The following BIRC3 variants were observed in gnomAD, a reference collection of about 807,000 sequenced individuals.
The protein encoded by BIRC3 is baculoviral IAP repeat containing 3.
BIRC3 carries 26 observed loss-of-function variants against 59.0 expected under a neutral mutation model. The observed-to-expected ratio is 0.44, with a 90% CI of 0.32 to 0.61. The LOEUF (loss-of-function observed/expected upper bound fraction) is 0.61, where lower values mean the gene tolerates loss of function less well. Ranked by LOEUF, BIRC3 falls within the 20% of genes least tolerant of loss-of-function variation. The probability of loss-of-function intolerance (pLI) is 0.04; values close to 1 mark genes in which losing one functional copy is unlikely to be tolerated. For synonymous variants in BIRC3, 243 were observed against 249.2 expected, an observed-to-expected ratio of 0.98 and a Z score of 0.24; for missense variants, 641 against 711.5, an observed-to-expected ratio of 0.90 and a Z score of 1.13.
Position 102,323,346 on chromosome 11 carries a change from G to A in BIRC3, c.-1164G>A, listed in dbSNP as rs921669202. On this transcript the variant is annotated 5_prime_UTR_variant, in exon 2 of 9. Transcript: ENST00000263464. ...AGCAATGAAGTTCAGTTTTGTTATTGGTAGTTTGGGCAGAGTCTCTTTTTG... is the reference window on the plus strand; with the variant it reads ...AGCAATGAAGTTCAGTTTTGTTATTAGTAGTTTGGGCAGAGTCTCTTTTTG... The A allele has an allele frequency of 1.6e-5, 3 of 193,106 alleles. No homozygotes were observed. The highest frequency in any genetic ancestry group is 8.2e-5 in the East Asian group (1 of 12,262). 12.0% of individuals were successfully genotyped at this position (193,106 alleles called of 1,614,324 possible). A position where few individuals can be genotyped will look rare whatever the true frequency, so the allele number is the denominator to read the frequency against.
intron 6 of BIRC3, among the ~76,000 whole-genome samples, chr11:102,333,968 G>A (rs1328409645): frequency 6.6e-6 from 1 of 152,068 alleles, no homozygotes; most frequent in South Asian, 2.1e-4. Flanking sequence ...TATTTGTGAT[G>A]GTGTATGCCT....
intron 6 of BIRC3, among the ~76,000 whole-genome samples, chr11:102,332,607 T>A (rs891939435): frequency 3.3e-5 from 5 of 152,236 alleles, no homozygotes; most frequent in African/African-American, 1.2e-4. Flanking sequence ...TGCAAGGCCA[T>A]CTGGGATCTA....
chr11:102,331,265 C>G (rs1289473153), intron 6 of BIRC3, 24 bp downstream of exon 6: 1 of 1,578,788 alleles, frequency 6.3e-7, no homozygotes, highest in Non-Finnish European at 8.6e-7. Context: ...TTAATACAGT[C>G]TATTTTCATA....
intron 6 of BIRC3, among the ~76,000 whole-genome samples, chr11:102,332,166 C>T (rs34727295): frequency 7.9e-5 from 12 of 152,148 alleles, no homozygotes; most frequent in African/African-American, 2.9e-4. Flanking sequence ...CTCTATTGCC[C>T]TTCACAAAAA....
rs201836037 is a variant in BIRC3, at chr11:102,328,882, T to A, written c.1033-15T>A. The A allele has an allele frequency of 4.4e-3, 4,534 of 1,026,664 alleles. 29 individuals carry two copies. Among genetic ancestry groups the A allele is most frequent in the East Asian group, 0.042 (1,046 of 24,654 alleles). 63.6% of individuals were successfully genotyped at this position (1,026,664 alleles called of 1,614,324 possible). A position where few individuals can be genotyped will look rare whatever the true frequency, so the allele number is the denominator to read the frequency against. ...TTTATATATATATATATATATATAT[T>A]TTTTTTTTCTGCAGCTGCTATCCAC... On this transcript the variant is annotated splice_polypyrimidine_tract_variant and intron_variant, in intron 4 of 8. Transcript: ENST00000263464.
Position 102,324,558 on chromosome 11 carries a change from G to A in BIRC3, c.49G>A (p.Ala17Thr), listed in dbSNP as rs186307109. 159 of 1,613,848 alleles carry A rather than the reference G, an allele frequency of 9.9e-5. 2 individuals carry two copies. In the East Asian group the frequency reaches 1.5e-3, roughly 15 times the overall value. The stretch of plus-strand genomic sequence containing the variant: ...ATTCTTATCAAATTTGATGAAAAGC[G>A]CCAACACGTTTGAACTGAAATACGA... The part of the protein sequence containing the change: ...SIFLSNLMKS[A>T]NTFELKYDLS... Residue 17 changes from alanine to threonine, a missense_variant, in exon 2 of 9, where the codon GCC becomes ACC. Physicochemically the swap from Ala to Thr is moderately conservative, Grantham distance 58. Coordinates refer to ENST00000263464, the MANE Select transcript of BIRC3 (RefSeq NM_001165.5).
chr11:102,330,374 A>T (rs966195598), intron 5 of BIRC3, among the ~76,000 whole-genome samples: 1 of 152,224 alleles, frequency 6.6e-6, no homozygotes, highest in African/African-American at 2.4e-5. Context: ...TAGAGCCATC[A>T]GTTTGTGACT....
chr11:102,325,057 T>A lies in BIRC3; in HGVS notation c.548T>A (p.Phe183Tyr). The A allele has an allele frequency of 6.2e-7, 1 of 1,614,216 alleles. No homozygotes were observed. The highest frequency in any genetic ancestry group is 8.5e-7 in the Non-Finnish European group (1 of 1,180,024). Reference sequence around the variant, plus strand: ...ACTTTTCAGACATGGCCATTGACTTTTCTGTCGCCAACAGATCTGGCAAAA... The same window carrying A: ...ACTTTTCAGACATGGCCATTGACTTATCTGTCGCCAACAGATCTGGCAAAA... ...LLTFQTWPLTFLSPTDLAKAG... is the reference protein window; with the variant it reads ...LLTFQTWPLTYLSPTDLAKAG... The change falls in exon 2 of 9, where the codon TTT becomes TAT. Residue 183 changes from phenylalanine (F) to tyrosine (Y), a missense_variant. Coordinates refer to ENST00000263464, the MANE Select transcript of BIRC3 (RefSeq NM_001165.5).
chr11:102,327,804 T>C (rs1951099861), intron 3 of BIRC3, among the ~76,000 whole-genome samples: 1 of 152,152 alleles, frequency 6.6e-6, no homozygotes, highest in Non-Finnish European at 1.5e-5. Flanking sequence ...AGGATAACTA[T>C]GGGTTAGTTT....
Position 102,335,899 on chromosome 11 carries a change from A to G in BIRC3, c.1325-67A>G, listed in dbSNP as rs927612410. 2.7e-6 allele frequency: 4 copies of G among 1,472,928 alleles called. No individual in the cohort carries two copies. In the Admixed American group the frequency reaches 8.0e-5, roughly 29 times the overall value. 91.2% of individuals were successfully genotyped at this position (1,472,928 alleles called of 1,614,324 possible). A position where few individuals can be genotyped will look rare whatever the true frequency, so the allele number is the denominator to read the frequency against. On this transcript the variant is annotated intron_variant, in intron 6 of 8. Transcript: ENST00000263464. ...AGATAGTTTTTATCCTGCTATATAT[A>G]TAGGACTGGAAGGAAGTTTGTGAGC...
chr11:102,337,466 T>C lies in BIRC3; in HGVS notation c.*364T>C, dbSNP rs1181329638. The C allele has an allele frequency of 2.5e-6, 1 of 397,944 alleles. No individual in the cohort carries two copies. The highest frequency in any genetic ancestry group is 4.4e-5 in the Admixed American group (1 of 22,632). 24.7% of individuals were successfully genotyped at this position (397,944 alleles called of 1,614,324 possible). On this transcript the variant is annotated 3_prime_UTR_variant, in exon 9 of 9. Coordinates refer to ENST00000263464, the MANE Select transcript of BIRC3 (RefSeq NM_001165.5). ...AATACCGGGAACATGAAGCCAGGTG[T>C]GGTGGTATGTGCCTGTAGTCCCAGG...
rs533760671 is a variant in BIRC3 at position 102,322,979 on chromosome 11, T to C, written c.-1531T>C. 9.9e-6 allele frequency: 2 copies of C among 201,274 alleles called. No homozygotes were observed. The highest frequency in any genetic ancestry group is 7.7e-5 in the East Asian group (1 of 12,982). The allele number at this position is 201,274 out of a possible 1,614,324, so 12.5% of individuals were successfully genotyped here. On this transcript the variant is annotated 5_prime_UTR_variant, in exon 2 of 9. The change abolishes an upstream ATG in the 5' untranslated region. Coordinates refer to ENST00000263464, the MANE Select transcript of BIRC3 (RefSeq NM_001165.5). ...ATTCTGGTTCAAGGTATGCTATCCA[T>C]GAAATAATTTCTGACCAAAACTAAA...
chr11:102,321,514 C>G (rs1453956270), intron 1 of BIRC3, among the ~76,000 whole-genome samples: 4 of 152,116 alleles, frequency 2.6e-5, no homozygotes, highest in Non-Finnish European at 4.4e-5. Flanking sequence ...ACCACCACAC[C>G]CAGCTAATTT....
chr11:102,327,667 T>C (rs1951098151), intron 3 of BIRC3, among the ~76,000 whole-genome samples: 1 of 151,820 alleles, frequency 6.6e-6, no homozygotes, highest in Non-Finnish European at 1.5e-5. Flanking sequence ...AGAAGCATAA[T>C]GTATCTTGGC....
chr11:102,335,574 G>A (rs371171117), intron 6 of BIRC3, among the ~76,000 whole-genome samples: 1 of 152,166 alleles, frequency 6.6e-6, no homozygotes, highest in Admixed American at 6.5e-5. Context: ...AAGATGAAAT[G>A]AATCAATACA....
At chr11:102,335,921 G>T (rs747816416) in intron 6 of BIRC3, 45 bp from the exon 7 acceptor site, 1 of 1,557,482 alleles carries the variant, frequency 6.4e-7, no homozygotes, top group Admixed American at 1.9e-5. Flanking sequence ...GGAAGTTTGT[G>T]AGCAGAGTTT....
chr11:102,330,605 A>G (rs1951128826), intron 5 of BIRC3, among the ~76,000 whole-genome samples: 2 of 152,234 alleles, frequency 1.3e-5, no homozygotes, highest in Non-Finnish European at 2.9e-5. Context: ...CCAAGGAAGC[A>G]ATATTTTATA....
chr11:102,329,773 A>G (rs966887686), intron 5 of BIRC3, among the ~76,000 whole-genome samples: 6 of 152,064 alleles, frequency 3.9e-5, no homozygotes, highest in Admixed American at 3.3e-4. Flanking sequence ...AACATCACAC[A>G]CAGGGCCTGT....
chr11:102,320,109 T>A (rs1235446047), intron 1 of BIRC3: 1 of 152,232 alleles, frequency 6.6e-6, no homozygotes, highest in African/African-American at 2.4e-5. Flanking sequence ...TCTCAAGTTA[T>A]CTGCTTTCCT....
Sources: gnomAD v4.1 joint callset for allele counts (sites outside exome capture counted in the v4.1 genomes callset) on GRCh38, gnomAD v4.1.1 for gene constraint, MANE v1.5 for transcripts, NCBI Gene and HGNC (gene_info 2026-07-23, HGNC 2026-07-21) for gene names.